The following TFAP2B variants were observed in gnomAD, a reference collection of about 807,000 sequenced individuals.
TFAP2B encodes the protein transcription factor AP-2-beta.
TFAP2B carries 9 observed loss-of-function variants against 44.3 expected under a neutral mutation model. That is an observed-to-expected ratio of 0.20 (90% confidence interval 0.12 to 0.35). The LOEUF is 0.35. Among genes scored for constraint, TFAP2B ranks in the 10% least tolerant of loss-of-function variants. The pLI is 1.00. For synonymous variants in TFAP2B, 270 were observed against 263.8 expected (o/e 1.02, Z -0.23); for missense variants, 509 against 600.0 (o/e 0.85, Z 1.59).
intron 2 of TFAP2B, among the ~76,000 whole-genome samples, chr6:50,824,745 A>AGG (rs1487720168): frequency 6.6e-6 from 1 of 152,208 alleles, no homozygotes; most frequent in East Asian, 1.9e-4. Context: ...TCCCATCTGC[A>AGG]GTCTACACAA....
chr6:50,832,455 C>T (rs763794231), intron 3 of TFAP2B, among the ~76,000 whole-genome samples: 13 of 152,138 alleles, frequency 8.5e-5, no homozygotes, highest in South Asian at 2.1e-4. Context: ...CCCACAATTT[C>T]AGTCCCCACA....
rs1762778644 is a variant in TFAP2B, at chr6:50,843,536, A to G, written c.*144A>G. The G allele has an allele frequency of 3.3e-6, 3 of 912,802 alleles. No individual in the cohort carries two copies. Among genetic ancestry groups the G allele is most frequent in the Non-Finnish European group, 4.9e-6 (3 of 617,990 alleles). The allele number at this position is 912,802 out of a possible 1,614,324, so 56.5% of individuals were successfully genotyped here. A position where few individuals can be genotyped will look rare whatever the true frequency, so the allele number is the denominator to read the frequency against. ...ACATACAATCAAAATTTTAAAAAAA[A>G]AAGCTAAATAACTTAAAAAAAAACT... On this transcript the variant is annotated 3_prime_UTR_variant, in exon 7 of 7. Transcript: ENST00000393655.
intron 3 of TFAP2B, among the ~76,000 whole-genome samples, chr6:50,835,670 G>A (rs1762604571): frequency 6.6e-6 from 1 of 152,210 alleles, no homozygotes; most frequent in African/African-American, 2.4e-5. Context: ...ATTATCCTCA[G>A]GAGACAGATA....
intron 6 of TFAP2B, among the ~76,000 whole-genome samples, chr6:50,840,887 G>A (rs1762713309): frequency 6.6e-6 from 1 of 152,208 alleles, no homozygotes; most frequent in Admixed American, 6.5e-5. Flanking sequence ...CTTTGGCTTC[G>A]GTGTCATATT....
At chr6:50,833,344 C>G (rs930081403) in intron 3 of TFAP2B, among the ~76,000 whole-genome samples, 1 of 152,058 alleles carries the variant, frequency 6.6e-6, no homozygotes, top group Admixed American at 6.5e-5. Context: ...AGTTATGGAT[C>G]TAAAGGAAAG....
intron 1 of TFAP2B, among the ~76,000 whole-genome samples, chr6:50,819,714 C>G (rs1332070352): frequency 1.3e-5 from 2 of 152,194 alleles, no homozygotes. Context: ...GCCAGGAGGA[C>G]GCCAGCCGCC....
chr6:50,841,213 T>C (rs550140773), intron 6 of TFAP2B, among the ~76,000 whole-genome samples: 3 of 152,362 alleles, frequency 2.0e-5, no homozygotes, highest in South Asian at 2.1e-4. Flanking sequence ...TGTTTGACTC[T>C]AAGCATTTGT....
upstream of TFAP2B, chr6:50,818,599 A>T (rs565905163): frequency 2.7e-6 from 1 of 375,346 alleles, no homozygotes; most frequent in Non-Finnish European, 4.9e-6. Context: ...TGGAGTCTGC[A>T]GACTGTGTGA....
chr6:50,842,818 A>G lies in TFAP2B; in HGVS notation c.1083-274A>G, dbSNP rs558241615. On this transcript the variant is annotated intron_variant, in intron 6 of 6. Transcript: ENST00000393655. The stretch of plus-strand genomic sequence containing the variant: ...CTAGCGAATGTCCCAAAGCGAGTCC[A>G]GGCGGTCCTGGAATGGAGGGGAGAA... Among the ~76,000 whole-genome samples, 18 of 152,354 alleles carry G rather than the reference A, an allele frequency of 1.2e-4. No individual in the cohort carries two copies. In the East Asian group the frequency reaches 2.9e-3, roughly 25 times the overall value.
chr6:50,828,872 C>T (rs1243920469), intron 3 of TFAP2B, among the ~76,000 whole-genome samples, 193 bp downstream of exon 3: 1 of 152,156 alleles, frequency 6.6e-6, no homozygotes, highest in Non-Finnish European at 1.5e-5. Flanking sequence ...AGAATGAAAA[C>T]ATCAGACACA....
chr6:50,821,766 A>G (rs189309028), intron 1 of TFAP2B: 1 of 226,486 alleles, frequency 4.4e-6, no homozygotes, highest in African/African-American at 2.3e-5. Flanking sequence ...CTCGTGTAAT[A>G]TTAATAGTCA....
chr6:50,824,742 T>G (rs551341762), intron 2 of TFAP2B, among the ~76,000 whole-genome samples: 2 of 152,180 alleles, frequency 1.3e-5, no homozygotes, highest in Non-Finnish European at 2.9e-5. Flanking sequence ...CTATCCCATC[T>G]GCAGTCTACA....
intron 2 of TFAP2B, among the ~76,000 whole-genome samples, chr6:50,825,983 C>CAA (rs1770492930): frequency 6.6e-6 from 1 of 152,150 alleles, no homozygotes; most frequent in Non-Finnish European, 1.5e-5. Flanking sequence ...TTGACTGATG[C>CAA]AGGGCAGGTG....
chr6:50,829,060 A>G (rs1770603182), intron 3 of TFAP2B, among the ~76,000 whole-genome samples: 1 of 152,188 alleles, frequency 6.6e-6, no homozygotes, highest in Non-Finnish European at 1.5e-5. Flanking sequence ...GTTAAAGCTT[A>G]TGTTATTGAG....
Position 50,843,214 on chromosome 6 carries a change from C to G in TFAP2B, c.1205C>G (p.Thr402Arg). The change falls in exon 7 of 7, where the codon ACG becomes AGG. Residue 402 changes from threonine to arginine, a missense_variant. Thr to Arg is a moderately conservative substitution (Grantham distance 71, BLOSUM62 -1). Around this residue, in one of 3 missense-constraint regions of TFAP2B, gnomAD observed 168 missense variants for 183.2 expected, o/e 0.92. Coordinates refer to ENST00000393655, the MANE Select transcript of TFAP2B (RefSeq NM_003221.4). ...TGCCTCACGCACTTCAGCCTCATCA[C>G]GCACGGCTTCGGCGCCCCGGCCATT... Reference protein sequence around the residue: ...QSCLTHFSLITHGFGAPAICA... With the variant: ...QSCLTHFSLIRHGFGAPAICA... 1.2e-6 allele frequency: 2 copies of G among 1,614,216 alleles called. No individual in the cohort carries two copies. The highest frequency in any genetic ancestry group is 8.5e-7 in the Non-Finnish European group (1 of 1,180,032).
At chr6:50,820,732 G>A (rs756964473) in intron 1 of TFAP2B, among the ~76,000 whole-genome samples, 1 of 152,264 alleles carries the variant, frequency 6.6e-6, no homozygotes. Flanking sequence ...TAGCAAGCAC[G>A]GGGCCATGGT....
At position 50,841,414 on chromosome 6, in the gene TFAP2B, G is replaced by A. The variant is rs535536874; in HGVS notation, c.1082+1117G>A. Among the ~76,000 whole-genome samples the A allele has an allele frequency of 1.1e-4, 16 of 151,898 alleles. No homozygotes were observed. The South Asian group carries it at 2.9e-3, about 28-fold the overall frequency. On this transcript the variant is annotated intron_variant, in intron 6 of 6. Coordinates refer to ENST00000393655, the MANE Select transcript of TFAP2B (RefSeq NM_003221.4). ...TTGCCCTCCTGCCCCTTGCGCTGGTGTCTGGTGAGGCACGGGGTGTGTGTG... is the reference window on the plus strand; with the variant it reads ...TTGCCCTCCTGCCCCTTGCGCTGGTATCTGGTGAGGCACGGGGTGTGTGTG...
chr6:50,823,006 C>T (rs1324766105), intron 1 of TFAP2B, among the ~76,000 whole-genome samples: 2 of 152,172 alleles, frequency 1.3e-5, no homozygotes, highest in Non-Finnish European at 2.9e-5. Flanking sequence ...TAAAAACACC[C>T]AGAGGAGCAA....
rs1004745009 is a variant in TFAP2B, at chr6:50,835,167, CCTT to C, written c.602-893_602-891del. On this transcript the variant is annotated intron_variant, in intron 3 of 6. Transcript: ENST00000393655. ...CTTATTAACTTCTGCATAAAACATACCTTGAGTGCGGTTTGTTATCAATTACTT... is the reference window on the plus strand; with the variant it reads ...CTTATTAACTTCTGCATAAAACATACGAGTGCGGTTTGTTATCAATTACTT... Among the ~76,000 whole-genome samples the C allele has an allele frequency of 7.2e-5, 11 of 152,318 alleles. No individual in the cohort carries two copies. The South Asian group carries it at 8.3e-4, about 11-fold the overall frequency.
Sources: allele counts gnomAD v4.1 joint callset (sites outside exome capture counted in the v4.1 genomes callset), GRCh38; gene constraint gnomAD v4.1.1; regional missense constraint gnomAD v4.1.1; transcripts MANE v1.5; gene names NCBI Gene and HGNC (gene_info 2026-07-23, HGNC 2026-07-21).